Variants in CEP57L1 observed in about 807,000 individuals in gnomAD.
The protein encoded by CEP57L1 is centrosomal protein 57 like 1, also known as centrosomal protein CEP57L1.
In CEP57L1, 37 loss-of-function variants were observed where a neutral mutation model predicts 61.0. The observed-to-expected ratio is 0.61, with a 90% CI of 0.47 to 0.80. CEP57L1 has a LOEUF of 0.80. Ranked by LOEUF, CEP57L1 falls within the 30% of genes least tolerant of loss-of-function variation. The pLI, the probability that CEP57L1 is intolerant of heterozygous loss-of-function variation, is 0.00. For missense variants in CEP57L1, 422 were observed against 524.7 expected (o/e 0.80, Z 1.91); for synonymous variants, 137 against 162.3 (o/e 0.84, Z 1.19).
rs1358869175 is a variant in CEP57L1, at chr6:109,171,583, A to G, written c.*8613A>G. On this transcript the variant is annotated 3_prime_UTR_variant, in exon 11 of 11. Coordinates refer to ENST00000517392, the MANE Select transcript of CEP57L1 (RefSeq NM_001271852.3). Reference sequence around the variant, plus strand: ...TCTTAAACCGTTCTACTAAAATACTATCAGTTTAAACTACCATCTACAGAA... The same window carrying G: ...TCTTAAACCGTTCTACTAAAATACTGTCAGTTTAAACTACCATCTACAGAA... Among the ~76,000 whole-genome samples the G allele has an allele frequency of 1.3e-5, 2 of 152,130 alleles. No homozygotes were observed. The highest frequency in any genetic ancestry group is 2.9e-5 in the Non-Finnish European group (2 of 68,022).
chr6:109,095,310 G>A (rs926960970), upstream of CEP57L1: 1 of 985,924 alleles, frequency 1.0e-6, no homozygotes, highest in African/African-American at 1.7e-5. Flanking sequence ...GACAAAGAAA[G>A]AGGGCGCGAA....
In CEP57L1 at chr6:109,118,527, G is replaced by A. The variant is rs145706100; in HGVS notation, c.-4+22952G>A. Among the ~76,000 whole-genome samples the A allele has an allele frequency of 4.5e-3, 691 of 152,292 alleles. 4 individuals are homozygous for A. The highest frequency in any genetic ancestry group is 7.0e-3 in the Non-Finnish European group (476 of 68,036). Reference sequence around the variant, plus strand: ...CTCTGCAGCCTATCAACATCTCTGTGCATCAGTAGATTACTTGAGCCTTTC... The same window carrying A: ...CTCTGCAGCCTATCAACATCTCTGTACATCAGTAGATTACTTGAGCCTTTC... On this transcript the variant is annotated intron_variant, in intron 1 of 10. Transcript: ENST00000517392.
chr6:109,127,471 C>T (rs1429593751), intron 1 of CEP57L1, among the ~76,000 whole-genome samples: 3 of 152,006 alleles, frequency 2.0e-5, no homozygotes, highest in African/African-American at 7.2e-5. Context: ...ATAGTAAATA[C>T]TTGTTCTCAC....
At chr6:109,152,584 T>C (rs547295550) in intron 4 of CEP57L1, among the ~76,000 whole-genome samples, 10 of 152,110 alleles carry the variant, frequency 6.6e-5, no homozygotes, top group Non-Finnish European at 1.2e-4. Flanking sequence ...ATTAATACTT[T>C]ACATTGGTAT....
At chr6:109,116,326 T>A (rs1772299243) in intron 1 of CEP57L1, among the ~76,000 whole-genome samples, 1 of 151,960 alleles carries the variant, frequency 6.6e-6, no homozygotes, top group African/African-American at 2.4e-5. Context: ...TACAGGCATA[T>A]GCCACCACGC....
intron 1 of CEP57L1, among the ~76,000 whole-genome samples, chr6:109,109,579 T>C (rs929178673): frequency 6.6e-6 from 1 of 152,226 alleles, no homozygotes; most frequent in African/African-American, 2.4e-5. Context: ...CTGGGATACA[T>C]ATGCAGAACG....
chr6:109,146,673 A>G (rs1771994295), intron 2 of CEP57L1, 85 bp from the exon 3 acceptor site: 1 of 931,580 alleles, frequency 1.1e-6, no homozygotes, highest in Non-Finnish European at 1.6e-6. Context: ...TAACAAAAAT[A>G]TACTGCTTAT....
chr6:109,134,426 G>A (rs1247823472), intron 1 of CEP57L1, among the ~76,000 whole-genome samples: 1 of 152,096 alleles, frequency 6.6e-6, no homozygotes, highest in Non-Finnish European at 1.5e-5. Flanking sequence ...AATAATAAGA[G>A]CTATTTATGA....
At chr6:109,139,411 T>C (rs576273643) in intron 1 of CEP57L1, among the ~76,000 whole-genome samples, 35 of 152,190 alleles carry the variant, frequency 2.3e-4, no homozygotes, top group African/African-American at 7.5e-4. Context: ...CAAACAATTG[T>C]GCCTCGGCCA....
At chr6:109,124,102 G>A (rs1256487022) in intron 1 of CEP57L1, among the ~76,000 whole-genome samples, 1 of 151,582 alleles carries the variant, frequency 6.6e-6, no homozygotes, top group African/African-American at 2.4e-5. Context: ...CACTTCTATT[G>A]CCTTATCATC....
intron 1 of CEP57L1, among the ~76,000 whole-genome samples, chr6:109,109,315 G>A (rs1411890110): frequency 6.6e-6 from 1 of 152,098 alleles, no homozygotes; most frequent in Non-Finnish European, 1.5e-5. Context: ...AATGATAGTA[G>A]CATATTAAAG....
At chr6:109,124,417 A>G (rs1451895478) in intron 1 of CEP57L1, among the ~76,000 whole-genome samples, 1 of 152,188 alleles carries the variant, frequency 6.6e-6, no homozygotes, top group Non-Finnish European at 1.5e-5. Context: ...AATTTTGCAT[A>G]GATAAGCAAT....
intron 1 of CEP57L1, among the ~76,000 whole-genome samples, chr6:109,141,076 C>T (rs1583564422): frequency 1.3e-5 from 2 of 151,804 alleles, no homozygotes; most frequent in African/African-American, 2.4e-5. Context: ...GTAATCCGCC[C>T]GCCTCGGCCT....
chr6:109,153,943 T>A lies in CEP57L1; in HGVS notation c.573T>A (p.Thr191=), dbSNP rs753295865. Residue 191 remains threonine, a synonymous_variant, in exon 5 of 11, where the codon ACT becomes ACA. Coordinates refer to ENST00000517392, the MANE Select transcript of CEP57L1 (RefSeq NM_001271852.3). The part of the protein sequence containing the change: ...ECFRLTTTQK[T]AEDKIKHLEE... ...TCAGACTTACAACAACTCAGAAAAC[T>A]GCTGAGGTAAGCTTTCTTTGAAGTG... 6.4e-7 allele frequency: 1 copy of A among 1,564,758 alleles called. No individual in the cohort carries two copies.
chr6:109,108,831 T>A (rs1771235787), intron 1 of CEP57L1, among the ~76,000 whole-genome samples: 1 of 152,324 alleles, frequency 6.6e-6, no homozygotes, highest in African/African-American at 2.4e-5. Flanking sequence ...TTATAGCATC[T>A]ACTGAATGAT....
At chr6:109,104,941 G>C (rs1252051431) in intron 1 of CEP57L1, among the ~76,000 whole-genome samples, 1 of 152,024 alleles carries the variant, frequency 6.6e-6, no homozygotes, top group Non-Finnish European at 1.5e-5. Flanking sequence ...AATAATTTCT[G>C]TATTGTTTAA....
intron 1 of CEP57L1, among the ~76,000 whole-genome samples, chr6:109,137,133 T>C (rs1770835787): frequency 6.6e-6 from 1 of 152,218 alleles, no homozygotes; most frequent in Middle Eastern, 3.2e-3. Flanking sequence ...AAAACTCTGT[T>C]TTTAATAAAG....
chr6:109,160,560 A>C lies in CEP57L1; in HGVS notation c.1017-12A>C, dbSNP rs756994960. The C allele has an allele frequency of 1.9e-6, 3 of 1,581,928 alleles. No individual in the cohort carries two copies. The South Asian group carries it at 3.5e-5, about 18-fold the overall frequency. On this transcript the variant is annotated splice_polypyrimidine_tract_variant and intron_variant, in intron 9 of 10. Transcript: ENST00000517392. ...ACTATAATACTGCTTAATATTTGCT[A>C]TTCTTTCATAGGGAGCACCAAGAAC...
intron 4 of CEP57L1, among the ~76,000 whole-genome samples, chr6:109,152,819 T>C (rs552262588): frequency 6.6e-6 from 1 of 152,032 alleles, no homozygotes; most frequent in East Asian, 1.9e-4. Flanking sequence ...TCAATAATGG[T>C]TTTCTTAGGC....
Sources: gnomAD v4.1 joint callset for allele counts (sites outside exome capture counted in the v4.1 genomes callset) on GRCh38, gnomAD v4.1.1 for gene constraint, MANE v1.5 for transcripts, NCBI Gene and HGNC (gene_info 2026-07-23, HGNC 2026-07-21) for gene names.